Variants in CEP162 observed in about 807,000 individuals in gnomAD.
CEP162 encodes the protein centrosomal protein 162.
A neutral mutation model predicts 169.2 loss-of-function variants in CEP162; 141 were observed. That is an observed-to-expected ratio of 0.83 (90% CI 0.73 to 0.96). The LOEUF is 0.96. CEP162 is among the 40% of genes least tolerant of loss of function. The pLI is 0.00. For synonymous variants in CEP162, 540 were observed against 526.4 expected, an observed-to-expected ratio of 1.03 and a Z score of -0.35; for missense variants, 1,600 against 1,587.2, an observed-to-expected ratio of 1.01 and a Z score of -0.14.
At chr6:84,136,050 C>A (rs1372083345) in intron 25 of CEP162, among the ~76,000 whole-genome samples, 1 of 152,174 alleles carries the variant, frequency 6.6e-6, no homozygotes, top group African/African-American at 2.4e-5. Context: ...ATCCTGGGCA[C>A]TGTGTCTTAA....
At chr6:84,213,242 C>G (rs1255282873) in intron 5 of CEP162, among the ~76,000 whole-genome samples, 1 of 152,046 alleles carries the variant, frequency 6.6e-6, no homozygotes, top group Non-Finnish European at 1.5e-5. Flanking sequence ...AAAAGTAATA[C>G]AAAGGAAAAA....
chr6:84,226,897 T>C (rs559622576), intron 1 of CEP162, among the ~76,000 whole-genome samples: 9 of 152,182 alleles, frequency 5.9e-5, no homozygotes, highest in Non-Finnish European at 1.3e-4. Context: ...ATAGTAATAG[T>C]TTCGTAAAGC....
At chr6:84,186,029 T>G (rs1409341512) in intron 12 of CEP162, among the ~76,000 whole-genome samples, 3 of 152,118 alleles carry the variant, frequency 2.0e-5, no homozygotes. Flanking sequence ...CAGTGCATAC[T>G]ACAATGATGA....
intron 18 of CEP162, 120 bp downstream of exon 18, chr6:84,169,208 T>G (rs907227980): frequency 1.6e-6 from 1 of 637,810 alleles, no homozygotes; most frequent in Admixed American, 3.3e-5. Flanking sequence ...TTAAATGGTA[T>G]GAAATTTATA....
At chr6:84,184,482 T>C (rs1411447717) in intron 13 of CEP162, among the ~76,000 whole-genome samples, 7 of 152,158 alleles carry the variant, frequency 4.6e-5, no homozygotes, top group Non-Finnish European at 1.0e-4. Context: ...ATCTCCTCCT[T>C]GCTAAACCCA....
At chr6:84,203,689 C>T (rs1022842966) in intron 7 of CEP162, among the ~76,000 whole-genome samples, 2 of 152,152 alleles carry the variant, frequency 1.3e-5, no homozygotes, top group Admixed American at 6.5e-5. Context: ...TGGGCTCGAA[C>T]AGTCCTCCTG....
At chr6:84,159,741 T>C (rs1161628024) in intron 21 of CEP162, among the ~76,000 whole-genome samples, 2 of 150,430 alleles carry the variant, frequency 1.3e-5, no homozygotes, top group Non-Finnish European at 3.0e-5. Context: ...AAACCATGCC[T>C]GGCTAATTTT....
chr6:84,134,625 C>G (rs182041435), intron 25 of CEP162, among the ~76,000 whole-genome samples: 3 of 152,138 alleles, frequency 2.0e-5, no homozygotes, highest in Non-Finnish European at 1.5e-5. Context: ...TTGCACTTCC[C>G]GGATGAGGCA....
At chr6:84,156,761 CACACACACACAA>C (rs2129205504) in intron 21 of CEP162, among the ~76,000 whole-genome samples, 1 of 152,118 alleles carries the variant, frequency 6.6e-6, no homozygotes, top group African/African-American at 2.4e-5. Flanking sequence ...CACACACACA[CACACACACACAA>C]ACACACTATT....
intron 17 of CEP162, 122 bp from the exon 18 acceptor site, chr6:84,169,555 G>T: frequency 2.0e-6 from 1 of 510,820 alleles, no homozygotes; most frequent in Non-Finnish European, 3.4e-6. Context: ...CATAAATGAA[G>T]GTAAAATTTT....
chr6:84,191,034 A>G (rs1355179069), intron 11 of CEP162, among the ~76,000 whole-genome samples: 3 of 152,174 alleles, frequency 2.0e-5, no homozygotes, highest in African/African-American at 7.2e-5. Flanking sequence ...TTCCTTATAG[A>G]TTCTGGGTAG....
rs775380258 is a variant in CEP162 at position 84,155,424 on chromosome 6, T to C, written c.2868A>G (p.Thr956=). The change falls in exon 22 of 27, where the codon ACA becomes ACG. Residue 956 remains threonine, a synonymous_variant. Coordinates refer to ENST00000403245, the MANE Select transcript of CEP162 (RefSeq NM_014895.4). ...TAAATTCCACTGTATTTTTATCCAC[T>C]GTATCACCAGCTGCTGATGCAGCCA... ...LILAASAAGD[T]VDKNTVEFME... is the part of the protein sequence containing the mutation. The C allele has an allele frequency of 2.4e-5, 38 of 1,613,322 alleles. No individual in the cohort carries two copies. Among genetic ancestry groups the C allele is most frequent in the Non-Finnish European group, 2.9e-5 (34 of 1,179,508 alleles).
At chr6:84,204,973 A>C (rs1350948492) in intron 6 of CEP162, among the ~76,000 whole-genome samples, 1 of 138,168 alleles carries the variant, frequency 7.2e-6, no homozygotes, top group African/African-American at 3.5e-5. Context: ...TAGAAAATCT[A>C]GAAGAAACGG....
chr6:84,128,683 GTAAACAT>G (rs899265299), intron 25 of CEP162, among the ~76,000 whole-genome samples: 11 of 151,922 alleles, frequency 7.2e-5, no homozygotes, highest in African/African-American at 2.7e-4. Flanking sequence ...ACAGTTCCTA[GTAAACAT>G]TAAACTTTTT....
intron 25 of CEP162, among the ~76,000 whole-genome samples, chr6:84,145,125 T>G (rs1405368674): frequency 6.6e-6 from 1 of 152,110 alleles, no homozygotes; most frequent in Non-Finnish European, 1.5e-5. Context: ...AAAACTGGCT[T>G]GGTACCTTAC....
intron 25 of CEP162, among the ~76,000 whole-genome samples, chr6:84,141,814 C>T (rs2099516777): frequency 6.6e-6 from 1 of 152,138 alleles, no homozygotes; most frequent in African/African-American, 2.4e-5. Flanking sequence ...ACTCCTTCAG[C>T]TCCAGGCCTT....
intron 2 of CEP162, among the ~76,000 whole-genome samples, chr6:84,222,421 C>A (rs968203908): frequency 6.6e-6 from 1 of 152,236 alleles, no homozygotes; most frequent in Admixed American, 6.5e-5. Context: ...ATTTAACAGA[C>A]TTTTCCAGGA....
At chr6:84,172,928 G>C (rs2099530766) in intron 16 of CEP162, among the ~76,000 whole-genome samples, 1 of 152,126 alleles carries the variant, frequency 6.6e-6, no homozygotes, top group South Asian at 2.1e-4. Flanking sequence ...AACTAAACCT[G>C]TCCTGGTTGA....
intron 18 of CEP162, among the ~76,000 whole-genome samples, chr6:84,166,924 T>C (rs73750533): frequency 0.022 from 3,286 of 152,294 alleles, 116 homozygotes; most frequent in African/African-American, 0.074. Flanking sequence ...TTACATTCTA[T>C]CTTGCAGTAT....
Sources: gnomAD v4.1 joint callset for allele counts (sites outside exome capture counted in the v4.1 genomes callset) on GRCh38, gnomAD v4.1.1 for gene constraint, MANE v1.5 for transcripts, NCBI Gene and HGNC (gene_info 2026-07-23, HGNC 2026-07-21) for gene names.